GCNT1: variants seen among roughly 807,000 people sequenced by gnomAD.
GCNT1 encodes beta-1,3-galactosyl-O-glycosyl-glycoprotein beta-1,6-N-acetylglucosaminyltransferase.
A neutral mutation model predicts 26.2 loss-of-function variants in GCNT1; 16 were observed. That is an observed-to-expected ratio of 0.61 (90% CI 0.41 to 0.93). GCNT1 has a LOEUF of 0.93. Ranked by LOEUF, GCNT1 falls within the 40% of genes least tolerant of loss-of-function variation. The pLI, the probability that GCNT1 is intolerant of heterozygous loss-of-function variation, is 0.00. For missense variants in GCNT1, 477 were observed against 526.7 expected (o/e 0.91, Z 0.92); for synonymous variants, 183 against 190.8 (o/e 0.96, Z 0.34).
intron 1 of GCNT1, among the ~76,000 whole-genome samples, chr9:76,431,954 C>G (rs1485461824): frequency 6.6e-6 from 1 of 152,022 alleles, no homozygotes; most frequent in East Asian, 1.9e-4. Context: ...ACTAAAAATG[C>G]AAAAATTAGC....
the GCNT1 span, among the ~76,000 whole-genome samples, chr9:76,407,630 A>G: frequency 4.6e-5 from 7 of 152,208 alleles, no homozygotes; most frequent in Admixed American, 4.6e-4. Context: ...AAACTTTAGA[A>G]TCAGTTTGTC....
At chr9:76,489,527 G>A (rs568346288) in intron 2 of GCNT1, among the ~76,000 whole-genome samples, 101 of 152,234 alleles carry the variant, frequency 6.6e-4, no homozygotes, top group Admixed American at 1.4e-3. Context: ...ATTTGGACCC[G>A]CCCATGTCCT....
upstream of GCNT1, among the ~76,000 whole-genome samples, chr9:76,457,280 G>T (rs1326162218): frequency 2.0e-5 from 3 of 152,134 alleles, no homozygotes; most frequent in African/African-American, 7.2e-5. Context: ...ATGGAGCCTT[G>T]CTTTGTCACG....
chr9:76,460,558 C>G (rs1410094030), intron 2 of GCNT1, among the ~76,000 whole-genome samples: 2 of 152,202 alleles, frequency 1.3e-5, no homozygotes, highest in Non-Finnish European at 2.9e-5. Flanking sequence ...CAATTCCAGG[C>G]AGGCCCCCCT....
the GCNT1 span, among the ~76,000 whole-genome samples, chr9:76,413,653 G>GTTTTGTTTTT: frequency 8.4e-6 from 1 of 118,664 alleles, no homozygotes; most frequent in East Asian, 2.7e-4. Flanking sequence ...GTTTTGTTTT[G>GTTTTGTTTTT]TTTTTTTTTT....
chr9:76,422,288 C>T (rs750036108), intron 1 of GCNT1, among the ~76,000 whole-genome samples: 18 of 152,088 alleles, frequency 1.2e-4, no homozygotes, highest in Non-Finnish European at 1.9e-4. Context: ...AAGATGGTCT[C>T]GAACTCCTGA....
At position 76,503,199 on chromosome 9, in the gene GCNT1, A is replaced by G; in HGVS notation, c.818A>G (p.Lys273Arg). 1.9e-6 allele frequency: 3 copies of G among 1,614,194 alleles called. No individual in the cohort carries two copies. The highest frequency in any genetic ancestry group is 2.5e-6 in the Non-Finnish European group (3 of 1,180,012). Residue 273 changes from lysine (K) to arginine (R), a missense_variant, in exon 4 of 4, where the codon AAA (lysine) becomes AGA (arginine). Lys to Arg is a conservative substitution (Grantham distance 26). Coordinates refer to ENST00000376730, the MANE Select transcript of GCNT1 (RefSeq NM_001490.5). Reference protein sequence around the residue: ...NGKLTNTGTVKMLPPLETPLF... With the variant: ...NGKLTNTGTVRMLPPLETPLF... ...AAGCTGACAAACACAGGGACTGTCA[A>G]AATGCTTCCTCCACTCGAAACACCT... is the stretch of plus-strand genomic sequence containing the variant.
At chr9:76,421,838 T>G (rs950962491) in intron 1 of GCNT1, among the ~76,000 whole-genome samples, 12 of 151,748 alleles carry the variant, frequency 7.9e-5, no homozygotes, top group African/African-American at 2.9e-4. Context: ...GGACTACACA[T>G]GCAAGCCACC....
chr9:76,491,401 T>C (rs532386254), intron 2 of GCNT1, among the ~76,000 whole-genome samples: 9 of 152,350 alleles, frequency 5.9e-5, no homozygotes, highest in African/African-American at 2.2e-4. Flanking sequence ...TTCCTTGTGG[T>C]ATTTAATGGG....
At chr9:76,413,792 T>A in the GCNT1 span, among the ~76,000 whole-genome samples, 1 of 152,042 alleles carries the variant, frequency 6.6e-6, no homozygotes, top group African/African-American at 2.4e-5. Context: ...ATTTTTTCTA[T>A]ACTTTTCTGT....
upstream of GCNT1, among the ~76,000 whole-genome samples, chr9:76,419,496 C>A (rs1329253126): frequency 6.6e-6 from 1 of 152,044 alleles, no homozygotes; most frequent in Non-Finnish European, 1.5e-5. Flanking sequence ...TGGCGAGACC[C>A]CCGTCTCTAC....
intron 2 of GCNT1, among the ~76,000 whole-genome samples, chr9:76,486,635 A>G (rs1002175806): frequency 1.3e-5 from 2 of 152,170 alleles, no homozygotes; most frequent in African/African-American, 2.4e-5. Flanking sequence ...TACTTCAGTT[A>G]TATTCTTTGT....
At chr9:76,483,546 C>G (rs890345201) in intron 2 of GCNT1, among the ~76,000 whole-genome samples, 2 of 152,118 alleles carry the variant, frequency 1.3e-5, no homozygotes, top group Admixed American at 1.3e-4. Context: ...TTCTGAGTAG[C>G]TGGGTCTACA....
chr9:76,410,633 AT>A, the GCNT1 span, among the ~76,000 whole-genome samples: 3 of 152,064 alleles, frequency 2.0e-5, no homozygotes, highest in Non-Finnish European at 2.9e-5. Flanking sequence ...AACTAATAAC[AT>A]TTTTTAAGGT....
chr9:76,413,653 G>GTTTTTTTTTTTTTTTTTTTTTT, the GCNT1 span, among the ~76,000 whole-genome samples: 14 of 118,672 alleles, frequency 1.2e-4, no homozygotes, highest in East Asian at 2.7e-4. Context: ...GTTTTGTTTT[G>GTTTTTTTTTTTTTTTTTTTTTT]TTTTTTTTTT....
intron 1 of GCNT1, among the ~76,000 whole-genome samples, chr9:76,436,598 CAAAAAAAAAAAAAAAA>C (rs1178497535): frequency 2.4e-5 from 1 of 41,120 alleles, no homozygotes; most frequent in African/African-American, 9.6e-5. Context: ...GATTCCATCT[CAAAAAAAAAAAAAAAA>C]AAAAAAGGCA....
At chr9:76,471,109 T>G (rs2131604514) in intron 2 of GCNT1, among the ~76,000 whole-genome samples, 1 of 152,338 alleles carries the variant, frequency 6.6e-6, no homozygotes, top group East Asian at 1.9e-4. Flanking sequence ...TTATGCTAAT[T>G]AACAAAACCT....
chr9:76,402,120 GA>G, the GCNT1 span, among the ~76,000 whole-genome samples: 1 of 152,200 alleles, frequency 6.6e-6, no homozygotes. Flanking sequence ...ACAGAGGGAA[GA>G]AGGGCACCTT....
intron 2 of GCNT1, among the ~76,000 whole-genome samples, chr9:76,486,657 T>G (rs1412146590): frequency 6.6e-6 from 1 of 152,234 alleles, no homozygotes; most frequent in East Asian, 1.9e-4. Flanking sequence ...TTTGAGGGAC[T>G]TAGCCTTTTT....
Sources: gnomAD v4.1 joint callset for allele counts (sites outside exome capture counted in the v4.1 genomes callset) on GRCh38, gnomAD v4.1.1 for gene constraint, MANE v1.5 for transcripts, NCBI Gene and HGNC (gene_info 2026-07-23, HGNC 2026-07-21) for gene names.